NKAIN2: variants seen among roughly 807,000 people sequenced by gnomAD.
The protein encoded by NKAIN2 is sodium/potassium-transporting ATPase subunit beta-1-interacting protein 2.
NKAIN2 carries 14 observed loss-of-function variants against 32.6 expected under a neutral mutation model. The observed-to-expected ratio is 0.43, with a 90% CI of 0.28 to 0.67. The LOEUF (loss-of-function observed/expected upper bound fraction) is 0.67. Ranked by LOEUF, NKAIN2 falls within the 30% of genes least tolerant of loss-of-function variation. The probability of loss-of-function intolerance (pLI) is 0.17; values close to 1 mark genes in which losing one functional copy is unlikely to be tolerated. For missense variants in NKAIN2, 198 were observed against 258.3 expected (o/e 0.77, Z 1.60); for synonymous variants, 80 against 87.2 (o/e 0.92, Z 0.46).
chr6:124,624,272 G>T (rs1037419365), intron 3 of NKAIN2, among the ~76,000 whole-genome samples: 9 of 152,144 alleles, frequency 5.9e-5, no homozygotes, highest in African/African-American at 1.9e-4. Flanking sequence ...AATGATCTCT[G>T]TGAGGCCAAT....
At chr6:124,254,057 C>T (rs1368629377) in intron 1 of NKAIN2, among the ~76,000 whole-genome samples, 3 of 151,758 alleles carry the variant, frequency 2.0e-5, no homozygotes, top group Non-Finnish European at 4.4e-5. Flanking sequence ...CCTCGTGATC[C>T]GCCCGCCTCG....
intron 2 of NKAIN2, among the ~76,000 whole-genome samples, chr6:124,283,468 A>AT (rs1428299108): frequency 6.6e-6 from 1 of 152,164 alleles, no homozygotes; most frequent in African/African-American, 2.4e-5. Context: ...TTTAATGGAA[A>AT]TTTTTTCTCA....
chr6:124,671,853 A>G (rs1773115551), intron 4 of NKAIN2, among the ~76,000 whole-genome samples: 1 of 151,992 alleles, frequency 6.6e-6, no homozygotes, highest in Admixed American at 6.6e-5. Context: ...GTGAGCTGGG[A>G]TAAATATAAT....
At chr6:124,226,542 C>G (rs1422391943) in intron 1 of NKAIN2, among the ~76,000 whole-genome samples, 2 of 151,912 alleles carry the variant, frequency 1.3e-5, no homozygotes, top group Non-Finnish European at 2.9e-5. Flanking sequence ...GAGTGTTGCC[C>G]TAAAGATCAA....
intron 5 of NKAIN2, among the ~76,000 whole-genome samples, chr6:124,801,544 G>A (rs1002570204): frequency 6.6e-6 from 1 of 152,168 alleles, no homozygotes; most frequent in African/African-American, 2.4e-5. Flanking sequence ...AGAGATTCTT[G>A]TAACAAATAA....
chr6:123,924,590 A>G (rs915352644), intron 1 of NKAIN2, among the ~76,000 whole-genome samples: 1 of 152,128 alleles, frequency 6.6e-6, no homozygotes, highest in Non-Finnish European at 1.5e-5. Flanking sequence ...TTACTATAAT[A>G]GAAGTTTAGA....
At chr6:124,341,953 A>G (rs968212380) in intron 2 of NKAIN2, among the ~76,000 whole-genome samples, 2 of 152,220 alleles carry the variant, frequency 1.3e-5, no homozygotes, top group Non-Finnish European at 1.5e-5. Flanking sequence ...TAGGAAAAGA[A>G]TAAGACCATG....
At chr6:124,757,798 C>G (rs942109103) in intron 4 of NKAIN2, among the ~76,000 whole-genome samples, 2 of 152,046 alleles carry the variant, frequency 1.3e-5, no homozygotes, top group Non-Finnish European at 2.9e-5. Context: ...TGCCAGGACA[C>G]TAAATTAAAT....
At chr6:123,848,402 C>T (rs1195666602) in intron 1 of NKAIN2, among the ~76,000 whole-genome samples, 7 of 152,078 alleles carry the variant, frequency 4.6e-5, no homozygotes, top group African/African-American at 1.2e-4. Flanking sequence ...GGGAGGGACC[C>T]GGTAGGAGGT....
intron 4 of NKAIN2, among the ~76,000 whole-genome samples, chr6:124,726,533 C>T (rs1776323709): frequency 6.6e-6 from 1 of 150,612 alleles, no homozygotes; most frequent in Admixed American, 6.6e-5. Flanking sequence ...ACAGAAAGGA[C>T]ATCCACACCA....
At chr6:123,871,929 A>T (rs1354105675) in intron 1 of NKAIN2, among the ~76,000 whole-genome samples, 2 of 152,180 alleles carry the variant, frequency 1.3e-5, no homozygotes, top group African/African-American at 2.4e-5. Flanking sequence ...CCTGTAATGC[A>T]TCATCTATAA....
intron 3 of NKAIN2, among the ~76,000 whole-genome samples, chr6:124,650,542 A>G (rs1583582599): frequency 6.6e-6 from 1 of 152,172 alleles, no homozygotes; most frequent in Admixed American, 6.5e-5. Context: ...GGCAAAAGGT[A>G]TCATATGGCA....
intron 1 of NKAIN2, among the ~76,000 whole-genome samples, chr6:124,015,789 G>A (rs774622390): frequency 3.9e-5 from 6 of 152,132 alleles, no homozygotes; most frequent in Non-Finnish European, 8.8e-5. Flanking sequence ...GCTGTTCTAG[G>A]ATTTCCCTCT....
intron 1 of NKAIN2, among the ~76,000 whole-genome samples, chr6:123,950,326 A>C (rs1777268128): frequency 1.3e-5 from 2 of 151,976 alleles, no homozygotes; most frequent in South Asian, 4.1e-4. Context: ...CAAATGACTT[A>C]GAGAGAATTT....
At chr6:124,249,719 A>T (rs9491097) in intron 1 of NKAIN2, among the ~76,000 whole-genome samples, 1 of 152,218 alleles carries the variant, frequency 6.6e-6, no homozygotes, top group African/African-American at 2.4e-5. Flanking sequence ...TCTAGCTTTC[A>T]TCCTGAGGGT....
At chr6:123,892,729 T>C (rs1774081335) in intron 1 of NKAIN2, among the ~76,000 whole-genome samples, 1 of 151,810 alleles carries the variant, frequency 6.6e-6, no homozygotes, top group Admixed American at 6.6e-5. Flanking sequence ...TGTAGATTTG[T>C]ATCTAACAGT....
intron 1 of NKAIN2, among the ~76,000 whole-genome samples, chr6:124,007,422 C>G (rs2114726426): frequency 6.6e-6 from 1 of 152,298 alleles, no homozygotes; most frequent in East Asian, 1.9e-4. Context: ...GAAAGCAACA[C>G]CCATCCTAAA....
chr6:124,773,338 G>A (rs755370425), intron 4 of NKAIN2, among the ~76,000 whole-genome samples: 2 of 152,108 alleles, frequency 1.3e-5, no homozygotes, highest in African/African-American at 4.8e-5. Flanking sequence ...GAGTGGTGGG[G>A]GGGTCACTGG....
intron 1 of NKAIN2, among the ~76,000 whole-genome samples, chr6:123,934,209 A>G (rs1259578207): frequency 1.3e-5 from 2 of 152,160 alleles, no homozygotes; most frequent in African/African-American, 4.8e-5. Flanking sequence ...CTACTTGCTT[A>G]ATTTTATCAC....
Sources: allele counts gnomAD v4.1 joint callset (sites outside exome capture counted in the v4.1 genomes callset), GRCh38; gene constraint gnomAD v4.1.1; transcripts MANE v1.5; gene names NCBI Gene and HGNC (gene_info 2026-07-23, HGNC 2026-07-21).